The following NPNT variants were observed in gnomAD, a reference collection of about 807,000 sequenced individuals.
NPNT encodes preosteoblast EGF-like repeat protein with MAM domain.
In NPNT, 45 loss-of-function variants were observed where a neutral mutation model predicts 68.6. That is an observed-to-expected ratio of 0.66 (90% CI 0.52 to 0.84). The LOEUF is 0.84. Among genes scored for constraint, NPNT ranks in the 40% least tolerant of loss-of-function variants. NPNT has a pLI of 0.00. For synonymous variants in NPNT, 233 were observed against 253.3 expected (o/e 0.92, Z 0.76); for missense variants, 672 against 714.8 (o/e 0.94, Z 0.68).
intron 3 of NPNT, among the ~76,000 whole-genome samples, chr4:105,935,727 T>A (rs1729442856): frequency 6.6e-6 from 1 of 152,194 alleles, no homozygotes; most frequent in Non-Finnish European, 1.5e-5. Flanking sequence ...TGCTTACAGT[T>A]GCATTCAGGG....
rs138705104 is a variant in NPNT, at chr4:105,920,621, C to G, written c.173-6715C>G. 5.1e-3 allele frequency among the ~76,000 whole-genome samples: 779 copies of G among 151,928 alleles called. 5 individuals carry two copies. Among genetic ancestry groups the G allele is most frequent in the African/African-American group, 0.017 (714 of 41,462 alleles). ...CTTAATTATGACAAATAAAAGCTAACTTGAGATGCACATATACAGATGCAG... is the reference window on the plus strand; with the variant it reads ...CTTAATTATGACAAATAAAAGCTAAGTTGAGATGCACATATACAGATGCAG... On this transcript the variant is annotated intron_variant, in intron 2 of 11. Transcript: ENST00000379987.
At chr4:105,910,261 G>A (rs28477749) in intron 2 of NPNT, among the ~76,000 whole-genome samples, 1 of 152,116 alleles carries the variant, frequency 6.6e-6, no homozygotes, top group Non-Finnish European at 1.5e-5. Context: ...TTCCAACCAC[G>A]TATAGTAAAG....
chr4:105,950,350 T>TAACATAGG (rs1730725699), intron 8 of NPNT, among the ~76,000 whole-genome samples: 1 of 152,046 alleles, frequency 6.6e-6, no homozygotes, highest in African/African-American at 2.4e-5. Context: ...ATAGTTATTT[T>TAACATAGG]ATGCTTATCT....
chr4:105,927,547 A>G, intron 3 of NPNT, 119 bp downstream of exon 3: 1 of 471,948 alleles, frequency 2.1e-6, no homozygotes, highest in Non-Finnish European at 3.8e-6. Context: ...GTGAGCTGCC[A>G]TTTTGCTGAT....
In NPNT at chr4:105,930,327, T is replaced by C. The variant is rs573307854; in HGVS notation, c.265+2899T>C. Among the ~76,000 whole-genome samples the C allele has an allele frequency of 1.1e-4, 16 of 152,306 alleles. No homozygotes were observed. In the South Asian group the frequency reaches 3.3e-3, roughly 32 times the overall value. ...TAATGGTTCTTAGTCCTGAACACTGTGGAAGCTTGAAAGGGTTCCACCAGT... is the reference window on the plus strand; with the variant it reads ...TAATGGTTCTTAGTCCTGAACACTGCGGAAGCTTGAAAGGGTTCCACCAGT... On this transcript the variant is annotated intron_variant, in intron 3 of 11. Transcript: ENST00000379987.
chr4:105,935,170 A>AAAATCC lies in NPNT; in HGVS notation c.266-1837_266-1832dup, dbSNP rs1296334120. Among the ~76,000 whole-genome samples, 3 of 152,362 alleles carry AAAATCC rather than the reference A, an allele frequency of 2.0e-5. No homozygotes were observed. In the East Asian group the frequency reaches 5.8e-4, roughly 29 times the overall value. On this transcript the variant is annotated intron_variant, in intron 3 of 11. Coordinates refer to ENST00000379987, the MANE Select transcript of NPNT (RefSeq NM_001033047.3). ...GGGATACTTAACTGACATGTAAAGA[A>AAAATCC]AAATCCATCAGTATCCTTTTCTCGA...
chr4:105,956,952 T>G (rs375197486), intron 8 of NPNT, among the ~76,000 whole-genome samples: 93 of 152,328 alleles, frequency 6.1e-4, no homozygotes, highest in African/African-American at 2.2e-3. Flanking sequence ...AAAAACAACT[T>G]GTGCAAACGT....
At chr4:105,947,557 G>C (rs1215264092) in intron 8 of NPNT, among the ~76,000 whole-genome samples, 2 of 152,044 alleles carry the variant, frequency 1.3e-5, no homozygotes, top group Non-Finnish European at 2.9e-5. Context: ...TGAAACTACA[G>C]TTTATGCATT....
In NPNT at chr4:105,967,054, AT is replaced by A; in HGVS notation, c.1346-129del. ...TAAGACAGGCATACAAATAAGTCAT[AT>A]TTTTCTTCTTCAAAAATCTGGAATT... On this transcript the variant is annotated intron_variant, in intron 10 of 11. Transcript: ENST00000379987. 4 of 816,322 alleles carry A rather than the reference AT, an allele frequency of 4.9e-6. No individual in the cohort carries two copies. In the South Asian group the frequency reaches 7.4e-5, roughly 15 times the overall value. 50.6% of individuals were successfully genotyped at this position (816,322 alleles called of 1,614,324 possible).
rs1310600872 is a variant in NPNT, at chr4:105,958,799, AT to A, written c.1247-228del. 13 of 547,786 alleles carry A rather than the reference AT, an allele frequency of 2.4e-5. No individual in the cohort carries two copies. The Admixed American group carries it at 4.0e-4, about 17-fold the overall frequency. The allele number at this position is 547,786 out of a possible 1,614,324, so 33.9% of individuals were successfully genotyped here. On this transcript the variant is annotated intron_variant, in intron 9 of 11. Coordinates refer to ENST00000379987, the MANE Select transcript of NPNT (RefSeq NM_001033047.3). ...AGGAAATCATATTTTATAAGTGATG[AT>A]GTAACATTGTTATAATTTGGCAACA...
Position 105,938,310 on chromosome 4 carries a change from C to G in NPNT, c.395C>G (p.Thr132Ser). 2.5e-6 allele frequency: 4 copies of G among 1,613,554 alleles called. No homozygotes were observed. Among genetic ancestry groups the G allele is most frequent in the Non-Finnish European group, 3.4e-6 (4 of 1,179,634 alleles). The change falls in exon 5 of 12, where the codon ACC (threonine) becomes AGC (serine). Residue 132 changes from threonine (T) to serine (S), a missense_variant. By Grantham distance (58) the Thr-to-Ser change is moderately conservative (BLOSUM62 1). Coordinates refer to ENST00000379987, the MANE Select transcript of NPNT (RefSeq NM_001033047.3). ...MPDGSCSSAL[T>S]CSMANCQYGC... Reference sequence around the variant, plus strand: ...GTCACTCTCTTTCCAGGTGCCCTGACCTGCTCCATGGCAAACTGTCAGTAT... The same window carrying G: ...GTCACTCTCTTTCCAGGTGCCCTGAGCTGCTCCATGGCAAACTGTCAGTAT...
intron 8 of NPNT, among the ~76,000 whole-genome samples, chr4:105,950,790 A>G (rs967252557): frequency 2.6e-5 from 4 of 151,966 alleles, no homozygotes; most frequent in African/African-American, 9.7e-5. Context: ...CCCCTGCAAC[A>G]CATGGTTATT....
At position 105,942,732 on chromosome 4, in the gene NPNT, A is replaced by T. The variant is rs756282006; in HGVS notation, c.1159+30A>T. ...GTCTAATAAATGTTAGCACATTTTCAATAGGCTCTTTATAATGACTTTTCA... is the reference window on the plus strand; with the variant it reads ...GTCTAATAAATGTTAGCACATTTTCTATAGGCTCTTTATAATGACTTTTCA... On this transcript the variant is annotated intron_variant, in intron 8 of 11. Coordinates refer to ENST00000379987, the MANE Select transcript of NPNT (RefSeq NM_001033047.3). 3 of 1,559,388 alleles carry T rather than the reference A, an allele frequency of 1.9e-6. No individual in the cohort carries two copies. The South Asian group carries it at 3.7e-5, about 19-fold the overall frequency.
intron 10 of NPNT, among the ~76,000 whole-genome samples, chr4:105,959,508 C>A (rs1206791540): frequency 7.0e-6 from 1 of 142,860 alleles, no homozygotes; most frequent in Admixed American, 7.0e-5. Flanking sequence ...GTTGTTTTTT[C>A]TTTGTTTTTC....
At chr4:105,962,947 A>C (rs1731847338) in intron 10 of NPNT, among the ~76,000 whole-genome samples, 2 of 151,980 alleles carry the variant, frequency 1.3e-5, no homozygotes, top group African/African-American at 4.8e-5. Flanking sequence ...AAAATCGGCT[A>C]GACACAGTGG....
chr4:105,896,847 A>G (rs538655863), intron 1 of NPNT, among the ~76,000 whole-genome samples: 9 of 152,332 alleles, frequency 5.9e-5, no homozygotes, highest in African/African-American at 2.2e-4. Flanking sequence ...GCCTGGGGGT[A>G]GAAAGGCAGG....
chr4:105,925,446 T>G (rs1192602745), intron 2 of NPNT, among the ~76,000 whole-genome samples: 2 of 151,224 alleles, frequency 1.3e-5, no homozygotes, highest in Non-Finnish European at 1.5e-5. Flanking sequence ...GAATGGAAGG[T>G]GAGGGAAGGG....
chr4:105,903,596 A>G (rs1463165630), intron 2 of NPNT, among the ~76,000 whole-genome samples: 2 of 152,122 alleles, frequency 1.3e-5, no homozygotes, highest in Non-Finnish European at 2.9e-5. Flanking sequence ...CCTCAGAGCA[A>G]CAAGCATGAT....
chr4:105,923,259 C>G lies in NPNT; in HGVS notation c.173-4077C>G, dbSNP rs148742748. Among the ~76,000 whole-genome samples, 632 of 152,036 alleles carry G rather than the reference C, an allele frequency of 4.2e-3. 4 individuals are homozygous for G. The highest frequency in any genetic ancestry group is 0.015 in the African/African-American group (602 of 41,498). The stretch of plus-strand genomic sequence containing the variant: ...TACAGAGGTTGGGAATTATTTTTCT[C>G]TAGTTTTGAAATGGTTATGCACTTT... On this transcript the variant is annotated intron_variant, in intron 2 of 11. Transcript: ENST00000379987.
Sources: gnomAD v4.1 joint callset for allele counts (sites outside exome capture counted in the v4.1 genomes callset) on GRCh38, gnomAD v4.1.1 for gene constraint, MANE v1.5 for transcripts, NCBI Gene and HGNC (gene_info 2026-07-23, HGNC 2026-07-21) for gene names.